PTGR2: variants seen among roughly 807,000 people sequenced by gnomAD.
PTGR2 encodes 15-oxoprostaglandin 13-reductase.
A neutral mutation model predicts 43.4 loss-of-function variants in PTGR2; 32 were observed. That is an observed-to-expected ratio of 0.74 (90% CI 0.56 to 0.99). PTGR2 has a LOEUF of 0.99. PTGR2 is among the 50% of genes least tolerant of loss of function. The pLI, the probability that PTGR2 is intolerant of heterozygous loss-of-function variation, is 0.00. For missense variants in PTGR2, 373 were observed against 420.0 expected, an observed-to-expected ratio of 0.89 and a Z score of 0.98; for synonymous variants, 106 against 139.2, an observed-to-expected ratio of 0.76 and a Z score of 1.68.
chr14:73,864,012 C>T (rs2054550529), intron 3 of PTGR2, among the ~76,000 whole-genome samples: 1 of 152,184 alleles, frequency 6.6e-6, no homozygotes, highest in African/African-American at 2.4e-5. Flanking sequence ...CCTGCCTCAG[C>T]CTCCTGAGTA....
chr14:73,859,865 GTTT>G (rs35206130), intron 2 of PTGR2, among the ~76,000 whole-genome samples: 2 of 143,244 alleles, frequency 1.4e-5, no homozygotes, highest in Admixed American at 7.0e-5. Flanking sequence ...ACTTGTGCCT[GTTT>G]TTTTTTTTTT....
intron 5 of PTGR2, chr14:73,877,613 G>GTT (rs3076728): frequency 0.077 from 11,359 of 147,128 alleles, 639 homozygotes; most frequent in African/African-American, 0.17. Context: ...TGTAGAAATG[G>GTT]TTTTTTTTTT....
chr14:73,879,547 T>C (rs564884951), intron 6 of PTGR2: 100 of 438,522 alleles, frequency 2.3e-4, no homozygotes, highest in Admixed American at 4.9e-4. Context: ...TTTTCACTTT[T>C]GGTTTATTTT....
chr14:73,856,419 T>C (rs1024936902), intron 1 of PTGR2, among the ~76,000 whole-genome samples: 4 of 151,564 alleles, frequency 2.6e-5, no homozygotes, highest in Non-Finnish European at 5.9e-5. Flanking sequence ...GGCTATTTTT[T>C]TTTGTATTTT....
chr14:73,874,666 T>C, intron 4 of PTGR2: 1 of 454,276 alleles, frequency 2.2e-6, no homozygotes, highest in South Asian at 1.6e-5. Flanking sequence ...CCCAAAGTGC[T>C]GAGATTACAG....
intron 4 of PTGR2, among the ~76,000 whole-genome samples, chr14:73,876,482 C>A (rs1481580827): frequency 5.4e-5 from 4 of 74,100 alleles, no homozygotes; most frequent in Non-Finnish European, 1.3e-4. Context: ...GGACATAAGT[C>A]CTTTTTTTTT....
At chr14:73,879,719 C>T (rs2054939494) in intron 6 of PTGR2, 2 of 323,958 alleles carry the variant, frequency 6.2e-6, no homozygotes, top group South Asian at 3.3e-5. Flanking sequence ...GAGGTATTAA[C>T]ACTACATAGT....
chr14:73,868,413 C>A (rs1341407938), intron 3 of PTGR2, among the ~76,000 whole-genome samples: 1 of 152,192 alleles, frequency 6.6e-6, no homozygotes, highest in African/African-American at 2.4e-5. Context: ...GTGCCCCCTT[C>A]TGCTTAATCT....
At chr14:73,863,897 T>A (rs2054547055) in intron 3 of PTGR2, among the ~76,000 whole-genome samples, 1 of 152,158 alleles carries the variant, frequency 6.6e-6, no homozygotes, top group South Asian at 2.1e-4. Context: ...ATTACAGGTG[T>A]GAGCCATCAC....
chr14:73,858,785 T>G (rs552555151), intron 1 of PTGR2, 31 bp from the exon 2 acceptor site: 6 of 1,120,814 alleles, frequency 5.4e-6, no homozygotes, highest in Non-Finnish European at 7.7e-6. Flanking sequence ...ATACTTCAAA[T>G]CTTGTGATTT....
intron 3 of PTGR2, among the ~76,000 whole-genome samples, chr14:73,861,883 CT>C (rs112705654): frequency 1.1e-3 from 160 of 140,776 alleles, no homozygotes; most frequent in Non-Finnish European, 1.1e-3. Flanking sequence ...AACTTAGTGG[CT>C]TTTTTTTTTT....
rs941725220 is a variant in PTGR2, at chr14:73,884,944, A to G, written c.*767A>G. 1 of 152,218 alleles carries G rather than the reference A, an allele frequency of 6.6e-6. No individual in the cohort carries two copies. Among genetic ancestry groups the G allele is most frequent in the Non-Finnish European group, 1.5e-5 (1 of 68,050 alleles). 9.4% of individuals were successfully genotyped at this position (152,218 alleles called of 1,614,324 possible). The stretch of plus-strand genomic sequence containing the variant: ...TTAGGTTAGCAGGCACATACTGTCA[A>G]GTTGTAAAGATTGAGAGGGCAAACA... On this transcript the variant is annotated 3_prime_UTR_variant, in exon 10 of 10. Transcript: ENST00000555661.
chr14:73,856,407 C>T (rs944289346), intron 1 of PTGR2, among the ~76,000 whole-genome samples: 1 of 128,198 alleles, frequency 7.8e-6, no homozygotes, highest in African/African-American at 2.7e-5. Context: ...CACCTGCCCA[C>T]CGGCTATTTT....
intron 3 of PTGR2, among the ~76,000 whole-genome samples, chr14:73,870,372 G>T (rs2054700325): frequency 6.6e-6 from 1 of 151,826 alleles, no homozygotes; most frequent in Non-Finnish European, 1.5e-5. Flanking sequence ...TAGAGATGGG[G>T]TTTCGCCATG....
intron 3 of PTGR2, among the ~76,000 whole-genome samples, chr14:73,862,339 C>G (rs989135449): frequency 7.9e-5 from 12 of 152,032 alleles, no homozygotes; most frequent in Non-Finnish European, 1.2e-4. Context: ...ACCCGAGCAG[C>G]CAGGACTACA....
At chr14:73,861,712 G>A (rs1174437297) in intron 3 of PTGR2, 1 of 152,158 alleles carries the variant, frequency 6.6e-6, no homozygotes. Flanking sequence ...CTTCCGTTCG[G>A]GTGATGGAGT....
chr14:73,876,126 T>G (rs1374808102), intron 4 of PTGR2, among the ~76,000 whole-genome samples: 1 of 152,168 alleles, frequency 6.6e-6, no homozygotes, highest in African/African-American at 2.4e-5. Context: ...GCCTTAAAGT[T>G]TCTTTAATAT....
chr14:73,867,267 CCA>C (rs2054624712), intron 3 of PTGR2, among the ~76,000 whole-genome samples: 1 of 151,998 alleles, frequency 6.6e-6, no homozygotes, highest in African/African-American at 2.4e-5. Flanking sequence ...TTCACTGGAA[CCA>C]CACTGCTGGC....
At chr14:73,856,907 G>A (rs1336950052) in intron 1 of PTGR2, among the ~76,000 whole-genome samples, 1 of 152,210 alleles carries the variant, frequency 6.6e-6, no homozygotes, top group Non-Finnish European at 1.5e-5. Flanking sequence ...TAAGCAAAGT[G>A]ATTTTCAGCA....
Sources: gnomAD v4.1 joint callset for allele counts (sites outside exome capture counted in the v4.1 genomes callset) on GRCh38, gnomAD v4.1.1 for gene constraint, MANE v1.5 for transcripts, NCBI Gene and HGNC (gene_info 2026-07-23, HGNC 2026-07-21) for gene names.